IQSEC3: variants seen among roughly 807,000 people sequenced by gnomAD.
The protein encoded by IQSEC3 is IQ motif and SEC7 domain-containing protein 3.
Under a neutral mutation model 105.4 loss-of-function variants are expected in IQSEC3, and 50 were observed. That is an observed-to-expected ratio of 0.47 (90% confidence interval 0.38 to 0.60). IQSEC3 has a LOEUF of 0.60. Ranked by LOEUF, IQSEC3 falls within the 20% of genes least tolerant of loss-of-function variation. The probability of loss-of-function intolerance (pLI) is 0.00; values close to 1 mark genes in which losing one functional copy is unlikely to be tolerated. For missense variants in IQSEC3, 1,415 were observed against 1,630.0 expected (o/e 0.87, Z 2.27); for synonymous variants, 708 against 746.0 (o/e 0.95, Z 0.83).
intron 3 of IQSEC3, among the ~76,000 whole-genome samples, chr12:131,402 G>T (rs1865596758): frequency 6.6e-6 from 1 of 152,128 alleles, no homozygotes. Context: ...ACCTGGCCCT[G>T]GTTCAGAACG....
At chr12:133,871 G>T (rs940788296) in intron 3 of IQSEC3, among the ~76,000 whole-genome samples, 8 of 150,946 alleles carry the variant, frequency 5.3e-5, no homozygotes, top group African/African-American at 2.0e-4. Flanking sequence ...GGAAGAAAGG[G>T]AACAGGCTAG....
intron 13 of IQSEC3, among the ~76,000 whole-genome samples, chr12:172,092 C>T (rs1359452561): frequency 6.6e-6 from 1 of 152,268 alleles, no homozygotes; most frequent in East Asian, 1.9e-4. Context: ...CACCTCCCTT[C>T]GCAACCCTAA....
At chr12:159,553 GGCATTGCTGCTGCATT>G (rs1866813897) in intron 7 of IQSEC3, among the ~76,000 whole-genome samples, 1 of 152,256 alleles carries the variant, frequency 6.6e-6, no homozygotes, top group Non-Finnish European at 1.5e-5. Context: ...GGATTTCAAA[GGCATTGCTGCTGCATT>G]GTCCTTTAGC....
chr12:132,156 T>C (rs1865623394), intron 3 of IQSEC3, among the ~76,000 whole-genome samples: 1 of 151,532 alleles, frequency 6.6e-6, no homozygotes, highest in Non-Finnish European at 1.5e-5. Flanking sequence ...TTGAGATAGG[T>C]CTCGAAGAAG....
intron 2 of IQSEC3, among the ~76,000 whole-genome samples, chr12:125,431 C>T (rs1451015020): frequency 2.0e-5 from 3 of 152,274 alleles, no homozygotes; most frequent in Admixed American, 6.5e-5. Context: ...AGCTGCCTCC[C>T]CAGGTGCGGG....
chr12:168,663 A>G (rs1938804826), intron 11 of IQSEC3, among the ~76,000 whole-genome samples: 1 of 152,034 alleles, frequency 6.6e-6, no homozygotes, highest in Non-Finnish European at 1.5e-5. Context: ...TGTCCTCTCG[A>G]GTGAGGCATG....
At position 157,640 on chromosome 12, in the gene IQSEC3, A is replaced by G. The variant is rs782660051; in HGVS notation, c.2389A>G (p.Asn797Asp). The change falls in exon 7 of 14, where the codon AAC (asparagine) becomes GAC (aspartate). Residue 797 changes from asparagine to aspartate, a missense_variant. Asn to Asp is a conservative substitution (Grantham distance 23). Around this residue, in one of 6 missense-constraint regions of IQSEC3, gnomAD observed 213 missense variants for 306.2 expected, o/e 0.70. Coordinates refer to ENST00000538872, the MANE Select transcript of IQSEC3 (RefSeq NM_001170738.2). Reference sequence around the variant, plus strand: ...CCTCAACACCGACATGTACAGCCCCAACATCAAGCCTGACCGGAAGATGAT... The same window carrying G: ...CCTCAACACCGACATGTACAGCCCCGACATCAAGCCTGACCGGAAGATGAT... ...ILLNTDMYSP[N>D]IKPDRKMMLE... 5.6e-6 allele frequency: 9 copies of G among 1,614,152 alleles called. No individual in the cohort carries two copies. Among genetic ancestry groups the G allele is most frequent in the Non-Finnish European group, 7.6e-6 (9 of 1,180,022 alleles).
At chr12:131,738 G>C (rs1158538158) in intron 3 of IQSEC3, among the ~76,000 whole-genome samples, 1 of 151,956 alleles carries the variant, frequency 6.6e-6, no homozygotes, top group South Asian at 2.1e-4. Flanking sequence ...GAGCATTGAG[G>C]GTGGGGAGGA....
intron 5 of IQSEC3, chr12:148,111 G>A (rs1866354064): frequency 6.6e-6 from 1 of 152,104 alleles, no homozygotes; most frequent in African/African-American, 2.4e-5. Context: ...TCAAGGTGAG[G>A]AAATGAGCCA....
intron 3 of IQSEC3, among the ~76,000 whole-genome samples, chr12:132,380 T>A (rs886247695): frequency 9.2e-5 from 14 of 152,096 alleles, no homozygotes; most frequent in Admixed American, 7.2e-4. Flanking sequence ...GGAAGAAGCG[T>A]TTTTATCTGT....
chr12:162,992 C>T (rs1303600435), intron 8 of IQSEC3, among the ~76,000 whole-genome samples: 1 of 152,096 alleles, frequency 6.6e-6, no homozygotes, highest in African/African-American at 2.4e-5. Flanking sequence ...TTTACTGTGG[C>T]TCAGTGGGCC....
At chr12:125,474 T>G (rs1248506458) in intron 2 of IQSEC3, among the ~76,000 whole-genome samples, 159 bp from the exon 3 acceptor site, 6 of 152,072 alleles carry the variant, frequency 3.9e-5, no homozygotes, top group Admixed American at 3.9e-4. Flanking sequence ...ATCCCTGCCA[T>G]GGTAGCCCCT....
intron 1 of IQSEC3, among the ~76,000 whole-genome samples, chr12:84,392 C>T (rs558059972): frequency 3.5e-4 from 54 of 152,228 alleles, no homozygotes; most frequent in Non-Finnish European, 6.6e-4. Flanking sequence ...GACAAAACAT[C>T]CTTGTTCTCA....
chr12:160,751 T>A (rs1006167664), intron 7 of IQSEC3, among the ~76,000 whole-genome samples: 1 of 152,238 alleles, frequency 6.6e-6, no homozygotes, highest in Non-Finnish European at 1.5e-5. Context: ...CTTTGGTGGC[T>A]GTGTGGTGTT....
intron 5 of IQSEC3, among the ~76,000 whole-genome samples, chr12:144,834 G>T (rs1555090521): frequency 6.6e-6 from 1 of 152,246 alleles, no homozygotes; most frequent in African/African-American, 2.4e-5. Context: ...TACCTGCAAA[G>T]GTTTCGCTTT....
intron 2 of IQSEC3, among the ~76,000 whole-genome samples, chr12:117,041 A>C (rs187787155): frequency 6.6e-6 from 1 of 152,326 alleles, no homozygotes; most frequent in Admixed American, 6.5e-5. Context: ...TAAAAGAAAA[A>C]ATAAGTAATA....
At chr12:78,703 T>C (rs1195776536) in intron 1 of IQSEC3, among the ~76,000 whole-genome samples, 2 of 152,106 alleles carry the variant, frequency 1.3e-5, no homozygotes, top group Admixed American at 6.5e-5. Context: ...TCTCAAGCAA[T>C]GAGAGCCTCG....
In IQSEC3 at chr12:165,774, A is replaced by G; in HGVS notation, c.2855A>G (p.Glu952Gly). ...ITLVTPLSGS[E>G]KKQVLHFCAL... Reference sequence around the variant, plus strand: ...CTGGTGACCCCGCTCTCGGGCTCCGAGAAGAAGCAGGTGCTGCATTTCTGT... The same window carrying G: ...CTGGTGACCCCGCTCTCGGGCTCCGGGAAGAAGCAGGTGCTGCATTTCTGT... Residue 952 changes from glutamate (E) to glycine (G), a missense_variant, in exon 11 of 14, where the codon GAG (glutamate) becomes GGG (glycine). Glu to Gly is a moderately conservative substitution (Grantham distance 98). Transcript: ENST00000538872. 6.2e-7 allele frequency: 1 copy of G among 1,613,518 alleles called. No individual in the cohort carries two copies. The highest frequency in any genetic ancestry group is 8.5e-7 in the Non-Finnish European group (1 of 1,179,620).
At chr12:108,746 G>A (rs1324738274) in intron 2 of IQSEC3, among the ~76,000 whole-genome samples, 1 of 152,250 alleles carries the variant, frequency 6.6e-6, no homozygotes, top group Admixed American at 6.5e-5. Flanking sequence ...GCTCTGCCGG[G>A]TCTGGCTCTG....
Sources: allele counts gnomAD v4.1 joint callset (sites outside exome capture counted in the v4.1 genomes callset), GRCh38; gene constraint gnomAD v4.1.1; regional missense constraint gnomAD v4.1.1; transcripts MANE v1.5; gene names NCBI Gene and HGNC (gene_info 2026-07-23, HGNC 2026-07-21).